The following CLDN19 variants were observed in gnomAD, a reference collection of about 807,000 sequenced individuals.
The protein encoded by CLDN19 is claudin 19, also known as claudin-19.
Under a neutral mutation model 24.5 loss-of-function variants are expected in CLDN19, and 19 were observed. The observed-to-expected ratio is 0.78, with a 90% confidence interval of 0.54 to 1.14. The LOEUF is 1.14. CLDN19 is among the 50% of genes most tolerant of loss of function. The pLI is 0.00. For missense variants in CLDN19, 250 were observed against 295.9 expected, an observed-to-expected ratio of 0.84 and a Z score of 1.14; for synonymous variants, 117 against 129.6, an observed-to-expected ratio of 0.90 and a Z score of 0.66.
Position 42,739,858 on chromosome 1 carries a change from G to A in CLDN19, c.206C>T (p.Ser69Leu), listed in dbSNP as rs373645751. 52 of 1,612,920 alleles carry A rather than the reference G, an allele frequency of 3.2e-5. No homozygotes were observed. The highest frequency in any genetic ancestry group is 5.0e-5 in the Admixed American group (3 of 59,974). ...GGGCCTACCGTCCAGGGCGAGCAGC[G>A]AGTCGTAGAGCTTGCACTGCACTTG... The part of the protein sequence containing the change: ...TGQVQCKLYD[S>L]LLALDGHIQS... Residue 69 changes from serine (S) to leucine (L), a missense_variant, in exon 1 of 5, where the codon TCG (serine) becomes TTG (leucine). By Grantham distance (145) the Ser-to-Leu change is moderately radical. Transcript: ENST00000296387.
At chr1:42,735,525 C>G (rs1267596829) in intron 4 of CLDN19, 1 of 1,415,834 alleles carries the variant, frequency 7.1e-7, no homozygotes, top group East Asian at 2.5e-5. Context: ...CTCTAGGGCC[C>G]AGCACGTAGC....
intron 3 of CLDN19, among the ~76,000 whole-genome samples, chr1:42,736,703 T>C (rs11210708): frequency 0.49 from 74,080 of 152,058 alleles, 18,294 homozygotes; most frequent in South Asian, 0.64. Flanking sequence ...TTGCGCCGAC[T>C]CCACTACCAT....
In CLDN19 at chr1:42,733,442, T is replaced by A. The variant is rs1651248882; in HGVS notation, c.*1644A>T. ...CACAGAGTCACCTGGGCTTGAGGCC[T>A]CATAGAGGAGCCCTCAGTGCTGACC... is the stretch of plus-strand genomic sequence containing the variant. On this transcript the variant is annotated 3_prime_UTR_variant, in exon 5 of 5. Coordinates refer to ENST00000296387, the MANE Select transcript of CLDN19 (RefSeq NM_148960.3). 6.6e-6 allele frequency: 1 copy of A among 152,344 alleles called. No homozygotes were observed. The highest frequency in any genetic ancestry group is 6.5e-5 in the Admixed American group (1 of 15,268). The allele number at this position is 152,344 out of a possible 1,614,324, so 9.4% of individuals were successfully genotyped here. A position where few individuals can be genotyped will look rare whatever the true frequency, so the allele number is the denominator to read the frequency against.
intron 3 of CLDN19, among the ~76,000 whole-genome samples, chr1:42,737,621 T>G (rs561260140): frequency 6.6e-6 from 1 of 152,190 alleles, no homozygotes; most frequent in Non-Finnish European, 1.5e-5. Flanking sequence ...AGGAGGAAAC[T>G]AGGCACAGAA....
rs1651254904 is a variant in CLDN19 at position 42,733,561 on chromosome 1, T to A, written c.*1525A>T. On this transcript the variant is annotated 3_prime_UTR_variant, in exon 5 of 5. Coordinates refer to ENST00000296387, the MANE Select transcript of CLDN19 (RefSeq NM_148960.3). ...AGTGTCTGGGGTTGGAGCCTAGGCA[T>A]TGTGCCCCCAGGTGATTCGAATGTG... 1 of 152,300 alleles carries A rather than the reference T, an allele frequency of 6.6e-6. No individual in the cohort carries two copies. Among genetic ancestry groups the A allele is most frequent in the East Asian group, 1.9e-4 (1 of 5,186 alleles). 9.4% of individuals were successfully genotyped at this position (152,300 alleles called of 1,614,324 possible).
In CLDN19 at chr1:42,738,449, G is replaced by A. The variant is rs763138436; in HGVS notation, c.360C>T (p.Ile120=). Reference sequence around the variant, plus strand: ...CCAGGATGAAGAGGGCTCCCCCGGCGATGGCAACACGGCCCTTGGCAATGG... The same window carrying A: ...CCAGGATGAAGAGGGCTCCCCCGGCAATGGCAACACGGCCCTTGGCAATGG... ...SNPIAKGRVA[I]AGGALFILAG... Residue 120 remains isoleucine (I), a synonymous_variant, in exon 2 of 5, where the codon ATC becomes ATT. Transcript: ENST00000296387. 11 of 1,613,944 alleles carry A rather than the reference G, an allele frequency of 6.8e-6. No homozygotes were observed. Among genetic ancestry groups the A allele is most frequent in the South Asian group, 2.2e-5 (2 of 91,086 alleles).
At chr1:42,738,149 T>TC in intron 3 of CLDN19, 80 bp downstream of exon 3, 1 of 1,190,780 alleles carries the variant, frequency 8.4e-7, no homozygotes, top group Non-Finnish European at 1.3e-6. Context: ...TGTCCCCACT[T>TC]CCCCCGCCAG....
At position 42,735,903 on chromosome 1, in the gene CLDN19, G is replaced by C; in HGVS notation, c.601C>G (p.Pro201Ala). ...TCTCGGGCAGCAGCAGAGGGTCCAG[G>C]CCGATAGGGCTGTGGGCTGCTGTTG... Reference protein sequence around the residue: ...RPNSSPQPYRPGPSAAAREPV... With the variant: ...RPNSSPQPYRAGPSAAAREPV... The change falls in exon 4 of 5, where the codon CCT becomes GCT. Residue 201 changes from proline (P) to alanine (A), a missense_variant. Coordinates refer to ENST00000296387, the MANE Select transcript of CLDN19 (RefSeq NM_148960.3). 6.3e-7 allele frequency: 1 copy of C among 1,580,250 alleles called. No homozygotes were observed. Among genetic ancestry groups the C allele is most frequent in the Non-Finnish European group, 8.6e-7 (1 of 1,162,870 alleles).
intron 1 of CLDN19, 53 bp downstream of exon 1, chr1:42,739,788 A>G: frequency 6.7e-7 from 1 of 1,493,924 alleles, no homozygotes; most frequent in South Asian, 1.2e-5. Context: ...CTTGCTCCAG[A>G]CTCCCCTGCT....
chr1:42,735,735 G>C, intron 4 of CLDN19, 143 bp downstream of exon 4: 3 of 1,478,300 alleles, frequency 2.0e-6, no homozygotes, highest in Non-Finnish European at 2.7e-6. Flanking sequence ...GTGGGTGCTT[G>C]TGTTGAGGAC....
chr1:42,739,422 A>T (rs1651479388), intron 1 of CLDN19, among the ~76,000 whole-genome samples: 2 of 152,248 alleles, frequency 1.3e-5, no homozygotes, highest in Non-Finnish European at 2.9e-5. Flanking sequence ...ATATGCTGGC[A>T]CACAGGCCTG....
intron 4 of CLDN19, chr1:42,735,606 T>A (rs1278153633): frequency 1.4e-6 from 2 of 1,425,304 alleles, no homozygotes; most frequent in Non-Finnish European, 9.1e-7. Flanking sequence ...CAGGGATGCA[T>A]GCTGGTGCCC....
chr1:42,736,097 T>G lies in CLDN19; in HGVS notation c.474-67A>C, dbSNP rs1651363037. ...CTCAGGTTGTTCCCAGTCCCTGCCC[T>G]GGCAGAGGAAGGGCAGAGTGTGTGG... On this transcript the variant is annotated intron_variant, in intron 3 of 4. Transcript: ENST00000296387. 2.8e-6 allele frequency: 3 copies of G among 1,073,822 alleles called. No individual in the cohort carries two copies. In the African/African-American group the frequency reaches 4.7e-5, roughly 17 times the overall value. The allele number at this position is 1,073,822 out of a possible 1,614,324, so 66.5% of individuals were successfully genotyped here.
At chr1:42,738,733 G>A (rs1049289267) in intron 1 of CLDN19, 148 bp from the exon 2 acceptor site, 69 of 706,568 alleles carry the variant, frequency 9.8e-5, no homozygotes, top group Non-Finnish European at 1.1e-4. Context: ...GTGCAGGATA[G>A]TGAGGAGTGA....
chr1:42,736,651 C>T (rs1466567531), intron 3 of CLDN19, among the ~76,000 whole-genome samples: 1 of 152,226 alleles, frequency 6.6e-6, no homozygotes, highest in African/African-American at 2.4e-5. Context: ...GCCACCTCTT[C>T]GTGGGGTCTT....
At position 42,738,769 on chromosome 1, in the gene CLDN19, G is replaced by A. The variant is rs1651456718; in HGVS notation, c.224-184C>T. Among the ~76,000 whole-genome samples the A allele has an allele frequency of 2.6e-5, 4 of 151,840 alleles. No individual in the cohort carries two copies. In the South Asian group the frequency reaches 8.3e-4, roughly 31 times the overall value. ...CAGCCCGGGCATGAGGACAGGGTGT[G>A]GGGGTGAGAGTCCCCTTCACTGTCA... On this transcript the variant is annotated intron_variant, in intron 1 of 4. Coordinates refer to ENST00000296387, the MANE Select transcript of CLDN19 (RefSeq NM_148960.3).
chr1:42,736,197 C>G (rs111438636), intron 3 of CLDN19, among the ~76,000 whole-genome samples, 167 bp from the exon 4 acceptor site: 1 of 151,560 alleles, frequency 6.6e-6, no homozygotes, highest in East Asian at 1.9e-4. Context: ...CTTTCTCCCT[C>G]CCCCCCAGCC....
intron 3 of CLDN19, among the ~76,000 whole-genome samples, chr1:42,737,719 G>A (rs1049747351): frequency 2.6e-5 from 4 of 152,216 alleles, no homozygotes; most frequent in Non-Finnish European, 5.9e-5. Context: ...ATCTCACTCT[G>A]TCACCCAGAC....
At chr1:42,735,839 G>A in intron 4 of CLDN19, 39 bp downstream of exon 4, 1 of 1,560,208 alleles carries the variant, frequency 6.4e-7, no homozygotes, top group Non-Finnish European at 8.7e-7. Context: ...GGGGCCACTG[G>A]GTGGGGGGCT....
Sources: allele counts gnomAD v4.1 joint callset (sites outside exome capture counted in the v4.1 genomes callset), GRCh38; gene constraint gnomAD v4.1.1; transcripts MANE v1.5; gene names NCBI Gene and HGNC (gene_info 2026-07-23, HGNC 2026-07-21).